DRC3: variants seen among roughly 807,000 people sequenced by gnomAD.
DRC3 encodes leucine rich repeat containing 48.
Under a neutral mutation model 57.6 loss-of-function variants are expected in DRC3, and 45 were observed. The ratio of observed to expected loss-of-function variants is 0.78; its 90% CI spans 0.62 to 1.00. The LOEUF (loss-of-function observed/expected upper bound fraction) is 1.00, where lower values mean the gene tolerates loss of function less well. DRC3 is among the 50% of genes least tolerant of loss of function. The probability of loss-of-function intolerance (pLI) is 0.00; values close to 1 mark genes in which losing one functional copy is unlikely to be tolerated. For synonymous variants in DRC3, 257 were observed against 272.3 expected (o/e 0.94, Z 0.55); for missense variants, 655 against 675.2 (o/e 0.97, Z 0.33).
chr17:17,980,154 G>A (rs1453143769), intron 3 of DRC3, among the ~76,000 whole-genome samples: 1 of 152,190 alleles, frequency 6.6e-6, no homozygotes, highest in African/African-American at 2.4e-5. Context: ...AGCTAGGAGG[G>A]GTTCCCCACT....
intron 2 of DRC3, among the ~76,000 whole-genome samples, chr17:17,975,361 G>A (rs918765927): frequency 2.6e-5 from 4 of 151,768 alleles, no homozygotes; most frequent in African/African-American, 4.8e-5. Flanking sequence ...ACAGACATGC[G>A]CCACCATGCC....
In DRC3 at chr17:18,004,330, G is replaced by T. The variant is rs532457389; in HGVS notation, c.1000-33G>T. The T allele has an allele frequency of 1.3e-5, 21 of 1,579,596 alleles. 1 individual carries two copies. The highest frequency in any genetic ancestry group is 3.3e-4 in the Middle Eastern group (2 of 6,016). Reference sequence around the variant, plus strand: ...TGCCATTATCTAATTACACTTAGTTGTTGATTCCTAAAGTGCAGTCTATTG... The same window carrying T: ...TGCCATTATCTAATTACACTTAGTTTTTGATTCCTAAAGTGCAGTCTATTG... On this transcript the variant is annotated intron_variant, in intron 9 of 13. Transcript: ENST00000399187.
intron 12 of DRC3, chr17:18,007,512 C>T (rs1174376479): frequency 3.1e-5 from 48 of 1,547,734 alleles, no homozygotes; most frequent in Non-Finnish European, 4.1e-5. Context: ...ACCTTAGAGT[C>T]TGTATAATGA....
intron 3 of DRC3, among the ~76,000 whole-genome samples, chr17:17,978,530 C>T (rs765295719): frequency 6.6e-6 from 1 of 152,176 alleles, no homozygotes; most frequent in Non-Finnish European, 1.5e-5. Flanking sequence ...GATTCACATT[C>T]GTGCTCTGTC....
intron 4 of DRC3, among the ~76,000 whole-genome samples, chr17:17,984,968 G>A (rs1039517567): frequency 3.9e-5 from 6 of 152,180 alleles, no homozygotes; most frequent in Non-Finnish European, 8.8e-5. Context: ...GGAGTCATGT[G>A]CTACAGGTAG....
In DRC3 at chr17:17,997,598, A is replaced by T; in HGVS notation, c.963A>T (p.Lys321Asn). Residue 321 changes from lysine to asparagine, a missense_variant, in exon 9 of 14, where the codon AAA becomes AAT. By Grantham distance (94) the Lys-to-Asn change is moderately conservative. Coordinates refer to ENST00000399187, the MANE Select transcript of DRC3 (RefSeq NM_031294.4). ...TCCAGGAAAACCAGGAGCAGGGCAA[A>T]CGCAAGATTGCCAAATTCGAGGAGA... Reference protein sequence around the residue: ...EAIQENQEQGKRKIAKFEEKH... With the variant: ...EAIQENQEQGNRKIAKFEEKH... 1 of 1,610,348 alleles carries T rather than the reference A, an allele frequency of 6.2e-7. No individual in the cohort carries two copies. Among genetic ancestry groups the T allele is most frequent in the Non-Finnish European group, 8.5e-7 (1 of 1,178,446 alleles).
intron 4 of DRC3, among the ~76,000 whole-genome samples, chr17:17,987,214 C>CAAAAAA (rs1046062123): frequency 8.8e-5 from 4 of 45,200 alleles, no homozygotes; most frequent in African/African-American, 1.9e-4. Context: ...GACCCTGTCT[C>CAAAAAA]AAAAAAAAAA....
In DRC3 at chr17:17,977,754, T is replaced by C. The variant is rs201331761; in HGVS notation, c.156T>C (p.Phe52=). The C allele has an allele frequency of 3.1e-6, 5 of 1,600,038 alleles. No homozygotes were observed. The highest frequency in any genetic ancestry group is 4.3e-6 in the Non-Finnish European group (5 of 1,172,362). The change falls in exon 3 of 14, where the codon TTT becomes TTC. Residue 52 remains phenylalanine, a synonymous_variant. Transcript: ENST00000399187. The part of the protein sequence containing the change: ...FKDVLSLQLD[F]RNILRIDNLW... ...ATGTCCTGTCCCTGCAGCTGGACTTTCGGAGTATGTATCCAAGGTTCAGGG... is the reference window on the plus strand; with the variant it reads ...ATGTCCTGTCCCTGCAGCTGGACTTCCGGAGTATGTATCCAAGGTTCAGGG...
intron 2 of DRC3, among the ~76,000 whole-genome samples, chr17:17,974,441 G>A (rs905392836): frequency 2.0e-5 from 3 of 152,062 alleles, no homozygotes; most frequent in African/African-American, 7.2e-5. Context: ...GCACGATCTC[G>A]GCTCACCGCA....
In DRC3 at chr17:18,006,938, CT is replaced by C; in HGVS notation, c.1203-84del. 3.2e-6 allele frequency: 5 copies of C among 1,574,782 alleles called. No individual in the cohort carries two copies. In the South Asian group the frequency reaches 5.7e-5, roughly 18 times the overall value. ...AGAATTTCCGAGCTCGCCTTGGGCC[CT>C]TAAAGTCTGTCTCCCGCCGTCTGAG... is the stretch of plus-strand genomic sequence containing the variant. On this transcript the variant is annotated intron_variant, in intron 11 of 13. Transcript: ENST00000399187.
At chr17:17,978,769 A>G (rs1305888492) in intron 3 of DRC3, among the ~76,000 whole-genome samples, 4 of 152,140 alleles carry the variant, frequency 2.6e-5, no homozygotes, top group African/African-American at 9.7e-5. Flanking sequence ...GTGCGGCAGG[A>G]GGGGGCTTTT....
intron 13 of DRC3, 41 bp from the exon 14 acceptor site, chr17:18,016,517 T>C: frequency 2.9e-6 from 4 of 1,367,390 alleles, no homozygotes; most frequent in East Asian, 4.6e-5. Context: ...TATTAACCAA[T>C]GATCTGATGT....
intron 8 of DRC3, among the ~76,000 whole-genome samples, chr17:17,997,075 A>T (rs2043486474): frequency 1.3e-5 from 2 of 152,088 alleles, no homozygotes; most frequent in African/African-American, 2.4e-5. Flanking sequence ...AGAAACGCAC[A>T]CTGCCTGCTT....
At chr17:18,013,892 C>G (rs541673651) in intron 12 of DRC3, among the ~76,000 whole-genome samples, 1 of 151,888 alleles carries the variant, frequency 6.6e-6, no homozygotes, top group East Asian at 1.9e-4. Context: ...CTATGTACCC[C>G]ATCAATATGT....
At position 17,994,394 on chromosome 17, in the gene DRC3, G is replaced by A; in HGVS notation, c.687G>A (p.Gln229=). The change falls in exon 7 of 14, where the codon CAG becomes CAA. Residue 229 remains glutamine (Q), a synonymous_variant. Coordinates refer to ENST00000399187, the MANE Select transcript of DRC3 (RefSeq NM_031294.4). ...CCCAGCTGGAGGACGAGCAGGCGCA[G>A]CGGGAGGAGCTAGAGAAGCACAAGG... ...MQAQLEDEQA[Q]REELEKHKTA... The A allele has an allele frequency of 6.4e-7, 1 of 1,553,478 alleles. No homozygotes were observed. The highest frequency in any genetic ancestry group is 1.2e-5 in the South Asian group (1 of 84,122).
At chr17:17,999,273 A>G (rs1168522982) in intron 9 of DRC3, among the ~76,000 whole-genome samples, 2 of 152,106 alleles carry the variant, frequency 1.3e-5, no homozygotes, top group Admixed American at 6.5e-5. Flanking sequence ...TGACCATCCT[A>G]GTGCTCCCCT....
At chr17:17,986,381 T>C (rs1299932740) in intron 4 of DRC3, among the ~76,000 whole-genome samples, 3 of 152,134 alleles carry the variant, frequency 2.0e-5, no homozygotes, top group South Asian at 4.1e-4. Context: ...AGAGTTATCA[T>C]TGGTCTCAAT....
At chr17:17,996,852 C>T (rs2043479923) in intron 8 of DRC3, among the ~76,000 whole-genome samples, 2 of 152,148 alleles carry the variant, frequency 1.3e-5, no homozygotes, top group Admixed American at 1.3e-4. Context: ...TAGGCTTTAC[C>T]TGGTTGACTC....
intron 3 of DRC3, chr17:17,981,585 G>C (rs1399656916): frequency 6.5e-6 from 1 of 152,732 alleles, no homozygotes; most frequent in Non-Finnish European, 1.5e-5. Context: ...GCCCGGCTCA[G>C]GTCAGTCGGT....
Sources: allele counts gnomAD v4.1 joint callset (sites outside exome capture counted in the v4.1 genomes callset), GRCh38; gene constraint gnomAD v4.1.1; transcripts MANE v1.5; gene names NCBI Gene and HGNC (gene_info 2026-07-23, HGNC 2026-07-21).